Variants in TMT1B observed in about 807,000 individuals in gnomAD.
The protein encoded by TMT1B is thiol S-methyltransferase TMT1B.
At chr12:55,684,187 C>A in the TMT1B span, 1 of 757,078 alleles carries the variant, frequency 1.3e-6, no homozygotes, top group Non-Finnish European at 2.2e-6. Context: ...CCTACTAGTC[C>A]CTCTCTCCCC....
chr12:55,683,935 G>T, the TMT1B span: 1 of 1,614,144 alleles, frequency 6.2e-7, no homozygotes, highest in Non-Finnish European at 8.5e-7. Flanking sequence ...TCACCAGAGA[G>T]ACCTGGAAGG....
chr12:55,681,984 TG>T, the TMT1B span: 1 of 1,614,232 alleles, frequency 6.2e-7, no homozygotes, highest in Middle Eastern at 1.6e-4. Context: ...CTACTGGAGC[TG>T]GGCTGCGGAA....
At chr12:55,682,738 C>T in the TMT1B span, among the ~76,000 whole-genome samples, 1 of 151,398 alleles carries the variant, frequency 6.6e-6, no homozygotes, top group Non-Finnish European at 1.5e-5. Flanking sequence ...GAACTATGAT[C>T]GCACCACTGC....
the TMT1B span, chr12:55,683,947 T>A: frequency 6.2e-7 from 1 of 1,614,016 alleles, no homozygotes; most frequent in Non-Finnish European, 8.5e-7. Context: ...CCTGGAAGGA[T>A]CTTGAGAACG....
the TMT1B span, among the ~76,000 whole-genome samples, chr12:55,683,440 C>T: frequency 7.2e-5 from 11 of 152,004 alleles, no homozygotes; most frequent in South Asian, 6.3e-4. Flanking sequence ...GGTTGCAGTG[C>T]GCCGAGATCA....
the TMT1B span, among the ~76,000 whole-genome samples, chr12:55,682,481 G>T: frequency 1.3e-5 from 2 of 152,018 alleles, no homozygotes; most frequent in Non-Finnish European, 2.9e-5. Context: ...AGGGAGGGGA[G>T]TGGGGAGGAC....
At chr12:55,683,188 C>T in the TMT1B span, among the ~76,000 whole-genome samples, 4 of 152,178 alleles carry the variant, frequency 2.6e-5, no homozygotes, top group East Asian at 7.8e-4. Flanking sequence ...AGAGGTTGTG[C>T]GTGTATCTCA....
the TMT1B span, chr12:55,684,063 C>T: frequency 6.2e-7 from 1 of 1,610,502 alleles, no homozygotes; most frequent in Non-Finnish European, 8.5e-7. Flanking sequence ...TTCCCAAGCT[C>T]CAAGGCACTC....
chr12:55,683,879 C>T, the TMT1B span: 18 of 1,614,090 alleles, frequency 1.1e-5, no homozygotes, highest in Non-Finnish European at 1.5e-5. Context: ...CATGTGGCAG[C>T]AAGTTTTCGA....
chr12:55,683,498 AAATAAT>A, the TMT1B span, among the ~76,000 whole-genome samples: 1 of 151,708 alleles, frequency 6.6e-6, no homozygotes, highest in Non-Finnish European at 1.5e-5. Flanking sequence ...CTGTCTCAAA[AAATAAT>A]AATAATAATA....
chr12:55,683,423 A>G, the TMT1B span, among the ~76,000 whole-genome samples: 1 of 152,006 alleles, frequency 6.6e-6, no homozygotes, highest in African/African-American at 2.4e-5. Flanking sequence ...TGAACCTGAG[A>G]GGTGGAGGTT....
chr12:55,683,296 C>A, the TMT1B span, among the ~76,000 whole-genome samples: 27 of 152,204 alleles, frequency 1.8e-4, no homozygotes, highest in Non-Finnish European at 3.5e-4. Context: ...GAGTTTGAAA[C>A]CAGACTGGCC....
At chr12:55,684,078 G>T in the TMT1B span, 44 of 1,601,592 alleles carry the variant, frequency 2.7e-5, no homozygotes, top group Non-Finnish European at 3.8e-5. Flanking sequence ...GCACTCATTT[G>T]CTCCTTCCCC....
chr12:55,683,748 A>C, the TMT1B span: 1 of 1,498,072 alleles, frequency 6.7e-7, no homozygotes, highest in Non-Finnish European at 9.3e-7. Context: ...GACTGTCTTG[A>C]TCAGCGCGAT....
chr12:55,683,852 T>C, the TMT1B span: 2 of 1,614,054 alleles, frequency 1.2e-6, no homozygotes, highest in African/African-American at 1.3e-5. Context: ...GGCAGAACCA[T>C]ATGGAAGCTG....
At chr12:55,681,981 A>AT in the TMT1B span, 1 of 1,614,226 alleles carries the variant, frequency 6.2e-7, no homozygotes, top group Non-Finnish European at 8.5e-7. Context: ...GCCCTACTGG[A>AT]GCTGGGCTGC....
chr12:55,683,222 G>A, the TMT1B span, among the ~76,000 whole-genome samples: 34 of 152,322 alleles, frequency 2.2e-4, no homozygotes, highest in Non-Finnish European at 3.7e-4. Context: ...CCAGCTGGGC[G>A]AGGTGGCTCA....
chr12:55,681,844 C>G, the TMT1B span: 1 of 1,576,652 alleles, frequency 6.3e-7, no homozygotes, highest in African/African-American at 1.4e-5. Context: ...GCTGGCAGCC[C>G]CTGTGCAAAA....
chr12:55,682,279 G>A, the TMT1B span: 2 of 1,593,884 alleles, frequency 1.3e-6, no homozygotes, highest in Non-Finnish European at 1.7e-6. Flanking sequence ...GGGGATGGGT[G>A]TGGGGCAGGC....
Sources: allele counts gnomAD v4.1 joint callset (sites outside exome capture counted in the v4.1 genomes callset), GRCh38; gene constraint gnomAD v4.1.1; transcripts MANE v1.5; gene names NCBI Gene and HGNC (gene_info 2026-07-23, HGNC 2026-07-21).